SCFD2: variants seen among roughly 807,000 people sequenced by gnomAD.
SCFD2 encodes sec1 family domain-containing protein 2.
SCFD2 carries 54 observed loss-of-function variants against 58.9 expected under a neutral mutation model. That is an observed-to-expected ratio of 0.92 (90% confidence interval 0.74 to 1.15). The LOEUF is 1.15. SCFD2 is among the 50% of genes most tolerant of loss of function. The probability of loss-of-function intolerance (pLI) is 0.00; values close to 1 mark genes in which losing one functional copy is unlikely to be tolerated. For synonymous variants in SCFD2, 321 were observed against 335.9 expected (o/e 0.96, Z 0.49); for missense variants, 805 against 836.6 (o/e 0.96, Z 0.47).
chr4:53,069,220 G>T (rs556776873), intron 5 of SCFD2, among the ~76,000 whole-genome samples: 1 of 151,996 alleles, frequency 6.6e-6, no homozygotes, highest in South Asian at 2.1e-4. Flanking sequence ...GTGCACAAAA[G>T]CTTTACTGAT....
chr4:53,330,503 G>T (rs1325951435), intron 2 of SCFD2, among the ~76,000 whole-genome samples: 1 of 152,028 alleles, frequency 6.6e-6, no homozygotes, highest in Non-Finnish European at 1.5e-5. Context: ...CTAAGCTTCA[G>T]AAGTGAAGGA....
Position 53,068,166 on chromosome 4 carries a change from CAT to C in SCFD2, c.1561+77165_1561+77166del, listed in dbSNP as rs372908261. On this transcript the variant is annotated intron_variant, in intron 5 of 8. Transcript: ENST00000401642. ...AATGTAAAGGGTCTTTCAAAATTTT[CAT>C]AGATATTTTTAGAGATTTAGGTTTA... Among the ~76,000 whole-genome samples, 297 of 152,082 alleles carry C rather than the reference CAT, an allele frequency of 2.0e-3. 1 individual carries two copies. Among genetic ancestry groups the C allele is most frequent in the Admixed American group, 6.9e-3 (105 of 15,234 alleles).
intron 5 of SCFD2, among the ~76,000 whole-genome samples, chr4:53,018,606 G>A (rs1304224718): frequency 6.6e-6 from 1 of 152,054 alleles, no homozygotes; most frequent in Non-Finnish European, 1.5e-5. Context: ...AACTCCACTG[G>A]GCCCATGAAG....
At chr4:53,044,429 C>T (rs1189199506) in intron 5 of SCFD2, among the ~76,000 whole-genome samples, 3 of 152,062 alleles carry the variant, frequency 2.0e-5, no homozygotes, top group African/African-American at 4.8e-5. Flanking sequence ...TGTCTCAGCA[C>T]CTGGTTTCTG....
intron 4 of SCFD2, among the ~76,000 whole-genome samples, chr4:53,152,988 C>A (rs1034011246): frequency 1.3e-5 from 2 of 151,040 alleles, no homozygotes. Context: ...GACAGCCCTG[C>A]CCCTGTGGCT....
At chr4:53,345,682 G>C (rs1178566743) in intron 2 of SCFD2, among the ~76,000 whole-genome samples, 1 of 152,154 alleles carries the variant, frequency 6.6e-6, no homozygotes, top group Non-Finnish European at 1.5e-5. Flanking sequence ...CAATAGCAAA[G>C]ACTTGGAACC....
At chr4:53,011,947 A>C (rs1221082053) in intron 5 of SCFD2, among the ~76,000 whole-genome samples, 1 of 152,054 alleles carries the variant, frequency 6.6e-6, no homozygotes, top group Non-Finnish European at 1.5e-5. Flanking sequence ...CTGGGAACAC[A>C]AATCTGGGGA....
intron 4 of SCFD2, among the ~76,000 whole-genome samples, chr4:53,259,880 T>C (rs1730777194): frequency 6.6e-6 from 1 of 152,180 alleles, no homozygotes; most frequent in East Asian, 1.9e-4. Context: ...GTTTGTATCA[T>C]CTATGATTTC....
At chr4:52,894,178 T>A (rs887640889) in intron 7 of SCFD2, among the ~76,000 whole-genome samples, 2 of 152,172 alleles carry the variant, frequency 1.3e-5, no homozygotes, top group African/African-American at 4.8e-5. Context: ...GTCTTTTTCA[T>A]AGTTTTAAAA....
intron 3 of SCFD2, among the ~76,000 whole-genome samples, chr4:53,311,552 G>A (rs1357544541): frequency 6.6e-6 from 1 of 151,956 alleles, no homozygotes; most frequent in Non-Finnish European, 1.5e-5. Flanking sequence ...TATGCTCTGT[G>A]ATAGTATCAT....
At chr4:53,074,862 GC>G (rs1489223730) in intron 5 of SCFD2, among the ~76,000 whole-genome samples, 1 of 152,116 alleles carries the variant, frequency 6.6e-6, no homozygotes, top group Non-Finnish European at 1.5e-5. Flanking sequence ...AATTGTTAAG[GC>G]CCCTAAAATT....
chr4:53,133,481 C>G (rs1168485528), intron 5 of SCFD2, among the ~76,000 whole-genome samples: 1 of 152,028 alleles, frequency 6.6e-6, no homozygotes, highest in African/African-American at 2.4e-5. Flanking sequence ...ATAAACAAAA[C>G]GTCCATGCCT....
At chr4:53,135,501 C>T (rs773555657) in intron 5 of SCFD2, among the ~76,000 whole-genome samples, 6 of 152,086 alleles carry the variant, frequency 3.9e-5, no homozygotes, top group Non-Finnish European at 7.4e-5. Flanking sequence ...TTTGGGAGGC[C>T]GAGGTGGGCG....
chr4:53,095,769 G>A (rs1577722453), intron 5 of SCFD2, among the ~76,000 whole-genome samples: 2 of 151,830 alleles, frequency 1.3e-5, no homozygotes, highest in African/African-American at 2.4e-5. Flanking sequence ...TGTGCACAAC[G>A]TGCAGATTTG....
At chr4:53,250,837 A>G (rs1730341801) in intron 4 of SCFD2, among the ~76,000 whole-genome samples, 1 of 152,240 alleles carries the variant, frequency 6.6e-6, no homozygotes, top group South Asian at 2.1e-4. Flanking sequence ...TAAAAGAACT[A>G]GAGAAGTAAG....
chr4:52,986,521 C>T (rs563862529), intron 5 of SCFD2, among the ~76,000 whole-genome samples: 69 of 101,736 alleles, frequency 6.8e-4, no homozygotes, highest in African/African-American at 7.3e-4. Context: ...TTTTTTGAGA[C>T]GGAGTCTCAC....
chr4:52,897,156 C>A lies in SCFD2; in HGVS notation c.1842+10301G>T, dbSNP rs1719040078. Among the ~76,000 whole-genome samples the A allele has an allele frequency of 2.0e-5, 3 of 152,180 alleles. No individual in the cohort carries two copies. The South Asian group carries it at 6.2e-4, about 32-fold the overall frequency. On this transcript the variant is annotated intron_variant, in intron 7 of 8. Transcript: ENST00000401642. ...AATTGAATACCCTTTATTTCCTTCT[C>A]CTGCCTGATTGCCCTGGCCAGAACT...
At chr4:52,898,460 G>C (rs927618609) in intron 7 of SCFD2, among the ~76,000 whole-genome samples, 1 of 152,194 alleles carries the variant, frequency 6.6e-6, no homozygotes, top group African/African-American at 2.4e-5. Context: ...TAGCTGAGCG[G>C]TTTTGAGTGA....
At chr4:52,933,241 T>C (rs1720043508) in intron 5 of SCFD2, among the ~76,000 whole-genome samples, 1 of 151,944 alleles carries the variant, frequency 6.6e-6, no homozygotes, top group South Asian at 2.1e-4. Flanking sequence ...AGGGCTAGAC[T>C]TCCTGCTGGG....
Sources: gnomAD v4.1 joint callset for allele counts (sites outside exome capture counted in the v4.1 genomes callset) on GRCh38, gnomAD v4.1.1 for gene constraint, MANE v1.5 for transcripts, NCBI Gene and HGNC (gene_info 2026-07-23, HGNC 2026-07-21) for gene names.